RTN4RL1: variants seen among roughly 807,000 people sequenced by gnomAD.
RTN4RL1 encodes reticulon-4 receptor-like 1.
RTN4RL1 carries 7 observed loss-of-function variants against 25.6 expected under a neutral mutation model. The ratio of observed to expected loss-of-function variants is 0.27; its 90% CI spans 0.16 to 0.51. RTN4RL1 has a LOEUF of 0.51. RTN4RL1 is among the 20% of genes least tolerant of loss of function. The pLI is 0.97. For synonymous variants in RTN4RL1, 297 were observed against 288.2 expected, an observed-to-expected ratio of 1.03 and a Z score of -0.31; for missense variants, 500 against 615.6, an observed-to-expected ratio of 0.81 and a Z score of 1.99.
chr17:1,997,766 C>T lies in RTN4RL1; in HGVS notation c.13+27087G>A, dbSNP rs1170479407. On this transcript the variant is annotated intron_variant, in intron 1 of 1. Transcript: ENST00000331238. ...CCAAGCCCCTGCTGGCTTTAAACCACTAGGACTCGGAGGTCAGGCCTGAGC... is the reference window on the plus strand; with the variant it reads ...CCAAGCCCCTGCTGGCTTTAAACCATTAGGACTCGGAGGTCAGGCCTGAGC... 2.0e-5 allele frequency among the ~76,000 whole-genome samples: 3 copies of T among 152,250 alleles called. No individual in the cohort carries two copies. In the East Asian group the frequency reaches 5.8e-4, roughly 29 times the overall value.
chr17:2,011,440 G>A (rs905221577), intron 1 of RTN4RL1, among the ~76,000 whole-genome samples: 4 of 152,130 alleles, frequency 2.6e-5, no homozygotes, highest in African/African-American at 9.7e-5. Flanking sequence ...TCTTCCTTCT[G>A]GGAAAGCCAG....
chr17:1,997,400 TAACA>T (rs1453751892), intron 1 of RTN4RL1, among the ~76,000 whole-genome samples: 4 of 152,108 alleles, frequency 2.6e-5, no homozygotes, highest in Non-Finnish European at 5.9e-5. Flanking sequence ...AATATCACAT[TAACA>T]GTTTTATTCT....
chr17:1,947,727 G>A (rs1198669554), intron 1 of RTN4RL1, among the ~76,000 whole-genome samples: 3 of 152,208 alleles, frequency 2.0e-5, no homozygotes, highest in African/African-American at 7.2e-5. Flanking sequence ...TGCCCATCGG[G>A]TCTCCGGTCT....
chr17:1,967,984 C>T (rs1172934208), intron 1 of RTN4RL1, among the ~76,000 whole-genome samples: 1 of 152,158 alleles, frequency 6.6e-6, no homozygotes, highest in African/African-American at 2.4e-5. Flanking sequence ...TCAAAGTCCC[C>T]TTGAAATCTC....
chr17:1,936,329 T>G lies in RTN4RL1; in HGVS notation c.*167A>C, dbSNP rs1168642869. The stretch of plus-strand genomic sequence containing the variant: ...CCCTCCCGCCTAGGGCTGTACACTT[T>G]GGGTTTATAATCCACATGGCAGGGT... On this transcript the variant is annotated 3_prime_UTR_variant, in exon 2 of 2. Transcript: ENST00000331238. 1 of 1,424,914 alleles carries G rather than the reference T, an allele frequency of 7.0e-7. No homozygotes were observed. The highest frequency in any genetic ancestry group is 9.1e-7 in the Non-Finnish European group (1 of 1,095,920). The allele number at this position is 1,424,914 out of a possible 1,614,324, so 88.3% of individuals were successfully genotyped here. A position where few individuals can be genotyped will look rare whatever the true frequency, so the allele number is the denominator to read the frequency against.
At chr17:2,023,883 C>T (rs1446293547) in intron 1 of RTN4RL1, among the ~76,000 whole-genome samples, 3 of 152,206 alleles carry the variant, frequency 2.0e-5, no homozygotes, top group Non-Finnish European at 4.4e-5. Flanking sequence ...GGGCAGCCAG[C>T]CGCAGGCGCC....
intron 1 of RTN4RL1, among the ~76,000 whole-genome samples, chr17:1,986,011 A>G (rs1389632902): frequency 6.6e-6 from 1 of 152,058 alleles, no homozygotes; most frequent in African/African-American, 2.4e-5. Flanking sequence ...ACAAGCAGGA[A>G]GACACTTGCC....
intron 1 of RTN4RL1, among the ~76,000 whole-genome samples, chr17:2,007,998 C>A (rs890980376): frequency 5.3e-5 from 8 of 151,532 alleles, no homozygotes; most frequent in Admixed American, 3.3e-4. Context: ...TTAGGCCAGG[C>A]ATGGTGGCTC....
At chr17:2,003,284 ACT>A (rs1489848722) in intron 1 of RTN4RL1, 17 of 151,600 alleles carry the variant, frequency 1.1e-4, no homozygotes, top group Admixed American at 1.1e-3. Flanking sequence ...ACACCCACAG[ACT>A]CTTTTGTTAT....
At chr17:2,020,239 G>C (rs1310241175) in intron 1 of RTN4RL1, 1 of 152,176 alleles carries the variant, frequency 6.6e-6, no homozygotes, top group Non-Finnish European at 1.5e-5. Context: ...CTTGATAAGG[G>C]TTCTTCTATC....
chr17:1,962,462 A>T (rs2066769141), intron 1 of RTN4RL1, among the ~76,000 whole-genome samples: 1 of 85,434 alleles, frequency 1.2e-5, no homozygotes, highest in African/African-American at 3.2e-5. Context: ...GGTTCAAGTG[A>T]TTCTCCCTGC....
At chr17:2,010,904 C>T (rs1183104870) in intron 1 of RTN4RL1, among the ~76,000 whole-genome samples, 14 of 152,006 alleles carry the variant, frequency 9.2e-5, no homozygotes, top group Admixed American at 4.6e-4. Flanking sequence ...TTTTATTCAT[C>T]GCTTCACCCT....
chr17:2,004,230 T>C (rs2066978101), intron 1 of RTN4RL1, among the ~76,000 whole-genome samples: 1 of 149,908 alleles, frequency 6.7e-6, no homozygotes, highest in Non-Finnish European at 1.5e-5. Flanking sequence ...TAGCCGGGTG[T>C]GGTGGCGGGC....
chr17:1,955,693 C>T (rs1246471243), intron 1 of RTN4RL1, among the ~76,000 whole-genome samples: 1 of 151,916 alleles, frequency 6.6e-6, no homozygotes, highest in Non-Finnish European at 1.5e-5. Flanking sequence ...AAGCGATTCT[C>T]CCATCTCAAC....
intron 1 of RTN4RL1, among the ~76,000 whole-genome samples, chr17:1,984,018 C>G (rs2066878278): frequency 6.6e-6 from 1 of 152,224 alleles, no homozygotes; most frequent in African/African-American, 2.4e-5. Context: ...CGAGGAAACC[C>G]CCAGATCATG....
chr17:1,936,425 A>T lies in RTN4RL1; in HGVS notation c.*71T>A. Reference sequence around the variant, plus strand: ...AAACCCAGCAGATCTTCCACTTGTTAAAAAAAGAAGAAAATAAATTCTGTT... The same window carrying T: ...AAACCCAGCAGATCTTCCACTTGTTTAAAAAAGAAGAAAATAAATTCTGTT... On this transcript the variant is annotated 3_prime_UTR_variant, in exon 2 of 2. Coordinates refer to ENST00000331238, the MANE Select transcript of RTN4RL1 (RefSeq NM_178568.4). 2 of 1,464,590 alleles carry T rather than the reference A, an allele frequency of 1.4e-6. No individual in the cohort carries two copies. The highest frequency in any genetic ancestry group is 1.4e-5 in the South Asian group (1 of 72,722). 90.7% of individuals were successfully genotyped at this position (1,464,590 alleles called of 1,614,324 possible).
rs1230291799 is a variant in RTN4RL1, at chr17:1,936,827, G to A, written c.995C>T (p.Pro332Leu). Residue 332 changes from proline to leucine, a missense_variant, in exon 2 of 2, where the codon CCC (proline) becomes CTC (leucine). Coordinates refer to ENST00000331238, the MANE Select transcript of RTN4RL1 (RefSeq NM_178568.4). ...GCCCTTGCTCCTGGTGGGGCCGTGG[G>A]GTGAGTGGTGTTCCTTGCGGGCGGC... ...DRAARKEHHS[P>L]HGPTRSKGHP... The A allele has an allele frequency of 1.3e-6, 2 of 1,585,348 alleles. No homozygotes were observed. The highest frequency in any genetic ancestry group is 1.8e-5 in the Admixed American group (1 of 55,488).
At chr17:1,970,970 G>A (rs979858004) in intron 1 of RTN4RL1, among the ~76,000 whole-genome samples, 2 of 152,276 alleles carry the variant, frequency 1.3e-5, no homozygotes, top group East Asian at 1.9e-4. Flanking sequence ...TATTAATGAC[G>A]GCTGCCCTTG....
At chr17:2,021,911 G>T (rs1294205583) in intron 1 of RTN4RL1, among the ~76,000 whole-genome samples, 2 of 149,064 alleles carry the variant, frequency 1.3e-5, no homozygotes, top group South Asian at 2.2e-4. Context: ...CAGGCTGGAG[G>T]GCAGTTGTAC....
Sources: allele counts gnomAD v4.1 joint callset (sites outside exome capture counted in the v4.1 genomes callset), GRCh38; gene constraint gnomAD v4.1.1; transcripts MANE v1.5; gene names NCBI Gene and HGNC (gene_info 2026-07-23, HGNC 2026-07-21).